The following NEK3 variants were observed in gnomAD, a reference collection of about 807,000 sequenced individuals.
The protein encoded by NEK3 is NIMA related kinase 3.
Under a neutral mutation model 66.0 loss-of-function variants are expected in NEK3, and 54 were observed. The observed-to-expected ratio is 0.82, with a 90% CI of 0.66 to 1.03. The LOEUF (loss-of-function observed/expected upper bound fraction) is 1.03. Among genes scored for constraint, NEK3 ranks in the 50% least tolerant of loss-of-function variants. NEK3 has a pLI of 0.00. For missense variants in NEK3, 593 were observed against 603.0 expected, an observed-to-expected ratio of 0.98 and a Z score of 0.17; for synonymous variants, 200 against 206.2, an observed-to-expected ratio of 0.97 and a Z score of 0.26.
intron 11 of NEK3, among the ~76,000 whole-genome samples, chr13:52,140,317 C>A (rs1251532700): frequency 7.4e-5 from 11 of 147,970 alleles, no homozygotes; most frequent in Non-Finnish European, 1.5e-4. Flanking sequence ...CATCAATAAT[C>A]AAAAATGGAG....
chr13:52,132,944 T>G lies in NEK3; in HGVS notation c.*198A>C, dbSNP rs1956165816. 1 of 560,800 alleles carries G rather than the reference T, an allele frequency of 1.8e-6. No individual in the cohort carries two copies. The highest frequency in any genetic ancestry group is 3.2e-6 in the Non-Finnish European group (1 of 314,020). The allele number at this position is 560,800 out of a possible 1,614,324, so 34.7% of individuals were successfully genotyped here. A position where few individuals can be genotyped will look rare whatever the true frequency, so the allele number is the denominator to read the frequency against. ...ACTCATTCCACTATACCTTCTCCCT[T>G]GAGTTCAAAAACTTACAGGAGTTCT... is the stretch of plus-strand genomic sequence containing the variant. On this transcript the variant is annotated 3_prime_UTR_variant, in exon 16 of 16. Transcript: ENST00000610828.
chr13:52,144,547 C>A (rs1046511620), intron 9 of NEK3, 144 bp downstream of exon 9: 13 of 665,568 alleles, frequency 2.0e-5, no homozygotes, highest in Admixed American at 3.0e-5. Flanking sequence ...AGGAAGGAAA[C>A]GAAGTTTTAA....
chr13:52,141,498 C>G lies in NEK3; in HGVS notation c.878-429G>C, dbSNP rs573626939. Among the ~76,000 whole-genome samples the G allele has an allele frequency of 1.2e-4, 19 of 152,252 alleles. No individual in the cohort carries two copies. In the South Asian group the frequency reaches 3.9e-3, roughly 32 times the overall value. ...TGTTTATTAACTCAGAAGAGACCAG[C>G]AGGAGGAGTCAGGAGAGAACCCTGG... On this transcript the variant is annotated intron_variant, in intron 10 of 15. Coordinates refer to ENST00000610828, the MANE Select transcript of NEK3 (RefSeq NM_002498.3).
chr13:52,154,164 TAGAG>T lies in NEK3; in HGVS notation c.123_126del (p.Phe41LeufsTer13), dbSNP rs1397445977. 1 of 1,599,566 alleles carries T rather than the reference TAGAG, an allele frequency of 6.3e-7. No homozygotes were observed. The highest frequency in any genetic ancestry group is 1.3e-5 in the African/African-American group (1 of 74,506). The stretch of plus-strand genomic sequence containing the variant: ...GCCTCCTTCCTAGAATTCTGTGTAT[TAGAG>T]AAAGACTAGAAAAACATTTTAAATA... On this transcript the variant is annotated frameshift_variant, in exon 3 of 16. Coordinates refer to ENST00000610828, the MANE Select transcript of NEK3 (RefSeq NM_002498.3). LOFTEE classifies it high-confidence loss of function.
At chr13:52,153,224 T>TC (rs1338076195) in intron 4 of NEK3, among the ~76,000 whole-genome samples, 1 of 152,098 alleles carries the variant, frequency 6.6e-6, no homozygotes, top group Admixed American at 6.6e-5. Flanking sequence ...ATTTTTTTTT[T>TC]CCCTCTTGCT....
At chr13:52,158,034 C>T (rs1398800562) in intron 1 of NEK3, among the ~76,000 whole-genome samples, 4 of 152,294 alleles carry the variant, frequency 2.6e-5, no homozygotes, top group East Asian at 3.9e-4. Context: ...TGCGCCACCA[C>T]GCCCGGCTAA....
At position 52,151,305 on chromosome 13, in the gene NEK3, C is replaced by T. The variant is rs186463283; in HGVS notation, c.461+20G>A. ...TTGATGTTTTGATTACTGTCACTAC[C>T]GTAGAACAGACATACATACTTGGAG... On this transcript the variant is annotated intron_variant, in intron 6 of 15. Transcript: ENST00000610828. 76 of 1,596,526 alleles carry T rather than the reference C, an allele frequency of 4.8e-5. No individual in the cohort carries two copies. The African/African-American group carries it at 5.2e-4, about 11-fold the overall frequency.
chr13:52,135,660 G>A, intron 14 of NEK3, 69 bp downstream of exon 14: 1 of 1,378,868 alleles, frequency 7.3e-7, no homozygotes, highest in East Asian at 2.5e-5. Flanking sequence ...TAAATTTTAT[G>A]TTATATATAT....
intron 8 of NEK3, 137 bp downstream of exon 8, chr13:52,148,278 G>A: frequency 1.4e-6 from 1 of 725,426 alleles, no homozygotes; most frequent in Non-Finnish European, 2.3e-6. Flanking sequence ...CAGGGCAGAT[G>A]ACTGCACTGG....
chr13:52,152,746 A>G, intron 4 of NEK3, 54 bp from the exon 5 acceptor site: 1 of 1,146,870 alleles, frequency 8.7e-7, no homozygotes, highest in South Asian at 1.3e-5. Context: ...GGCTCATGTT[A>G]ACCTACAATT....
intron 7 of NEK3, among the ~76,000 whole-genome samples, chr13:52,149,299 C>A (rs1956319658): frequency 1.3e-5 from 2 of 151,972 alleles, no homozygotes; most frequent in African/African-American, 4.8e-5. Context: ...CTGCCTTGAA[C>A]TCCTGGGCTC....
chr13:52,151,257 T>A, intron 6 of NEK3, 25 bp from the exon 7 acceptor site: 1 of 1,599,564 alleles, frequency 6.3e-7, no homozygotes, highest in Admixed American at 1.7e-5. Flanking sequence ...AGGCAACGAA[T>A]GATTACAGAA....
chr13:52,151,204 C>T lies in NEK3; in HGVS notation c.490G>A (p.Gly164Arg), dbSNP rs751753892. 1.9e-6 allele frequency: 3 copies of T among 1,610,318 alleles called. No individual in the cohort carries two copies. The highest frequency in any genetic ancestry group is 3.3e-4 in the Middle Eastern group (2 of 6,060). ...TCTGGAGGCACATAATAAGGAGTTCCCACATAGGTACAAGCAAATGCCATC... is the reference window on the plus strand; with the variant it reads ...TCTGGAGGCACATAATAAGGAGTTCTCACATAGGTACAAGCAAATGCCATC... Reference protein sequence around the residue: ...NPMAFACTYVGTPYYVPPEIW... With the variant: ...NPMAFACTYVRTPYYVPPEIW... Residue 164 changes from glycine to arginine, a missense_variant, in exon 7 of 16, where the codon GGA becomes AGA. By Grantham distance (125) the Gly-to-Arg change is moderately radical. Transcript: ENST00000610828.
At chr13:52,135,690 G>T (rs1956198058) in intron 14 of NEK3, 39 bp downstream of exon 14, 1 of 1,559,432 alleles carries the variant, frequency 6.4e-7, no homozygotes, top group East Asian at 2.3e-5. Context: ...TTTTCAAAAA[G>T]TCAAAGGGTT....
At chr13:52,152,391 A>G (rs946870084) in intron 5 of NEK3, among the ~76,000 whole-genome samples, 5 of 152,202 alleles carry the variant, frequency 3.3e-5, no homozygotes, top group Admixed American at 6.5e-5. Context: ...GTGTGTGTAT[A>G]TATATATAAC....
chr13:52,157,124 TGTAAC>T (rs1956402218), intron 1 of NEK3: 1 of 152,190 alleles, frequency 6.6e-6, no homozygotes, highest in Non-Finnish European at 1.5e-5. Context: ...GAAAGAAGAA[TGTAAC>T]AAGCTGCTGA....
At chr13:52,144,024 C>A in intron 9 of NEK3, 37 bp from the exon 10 acceptor site, 2 of 1,175,570 alleles carry the variant, frequency 1.7e-6, no homozygotes, top group Non-Finnish European at 2.4e-6. Flanking sequence ...GATGTGAAAA[C>A]ATACTTTTCT....
chr13:52,144,798 G>A lies in NEK3; in HGVS notation c.697C>T (p.Leu233=). ...PSHYSYELQF[L]VKQMFKRNPS... ...TTCCTTTTAAACATCTGCTTGACTAGGAACTGAAGTTCATAGGAGTAATGA... is the reference window on the plus strand; with the variant it reads ...TTCCTTTTAAACATCTGCTTGACTAAGAACTGAAGTTCATAGGAGTAATGA... The change falls in exon 9 of 16, where the codon CTA becomes TTA. Residue 233 remains leucine (L), a synonymous_variant. Transcript: ENST00000610828. 6.2e-7 allele frequency: 1 copy of A among 1,612,884 alleles called. No individual in the cohort carries two copies. Among genetic ancestry groups the A allele is most frequent in the South Asian group, 1.1e-5 (1 of 90,998 alleles).
intron 13 of NEK3, 63 bp downstream of exon 13, chr13:52,136,053 G>T: frequency 6.3e-7 from 1 of 1,583,794 alleles, no homozygotes; most frequent in Non-Finnish European, 8.6e-7. Context: ...GGCTCTAAGT[G>T]CACTAAGTAA....
Sources: gnomAD v4.1 joint callset for allele counts (sites outside exome capture counted in the v4.1 genomes callset) on GRCh38, gnomAD v4.1.1 for gene constraint, MANE v1.5 for transcripts, NCBI Gene and HGNC (gene_info 2026-07-23, HGNC 2026-07-21) for gene names.